The following TBC1D22B variants were observed in gnomAD, a reference collection of about 807,000 sequenced individuals.
The protein encoded by TBC1D22B is chromosome 6 open reading frame 197.
Under a neutral mutation model 69.1 loss-of-function variants are expected in TBC1D22B, and 32 were observed. The observed-to-expected ratio is 0.46, with a 90% CI of 0.35 to 0.62. The LOEUF is 0.62. TBC1D22B is among the 20% of genes least tolerant of loss of function. The pLI, the probability that TBC1D22B is intolerant of heterozygous loss-of-function variation, is 0.00. For synonymous variants in TBC1D22B, 206 were observed against 229.8 expected (o/e 0.90, Z 0.94); for missense variants, 462 against 630.9 (o/e 0.73, Z 2.87).
chr6:37,325,062 A>G (rs1768353376), intron 12 of TBC1D22B, among the ~76,000 whole-genome samples: 1 of 151,820 alleles, frequency 6.6e-6, no homozygotes, highest in African/African-American at 2.4e-5. Context: ...TTATTCTCCC[A>G]CCTTTATTGG....
intron 8 of TBC1D22B, chr6:37,295,638 T>C (rs1172860798): frequency 2.3e-6 from 1 of 436,286 alleles, no homozygotes; most frequent in East Asian, 6.8e-5. Flanking sequence ...TCAATGGCAC[T>C]GTCATCAAGG....
chr6:37,300,172 G>A (rs904043601), intron 8 of TBC1D22B, among the ~76,000 whole-genome samples: 4 of 151,490 alleles, frequency 2.6e-5, no homozygotes, highest in East Asian at 3.9e-4. Context: ...TAATTATTTC[G>A]ACACCATTTA....
At chr6:37,330,025 G>A (rs1042257693) in intron 12 of TBC1D22B, among the ~76,000 whole-genome samples, 2 of 152,080 alleles carry the variant, frequency 1.3e-5, no homozygotes, top group East Asian at 1.9e-4. Flanking sequence ...TGGAGTATTC[G>A]GATCAGCTAG....
chr6:37,282,026 T>C (rs1202270806), intron 3 of TBC1D22B, among the ~76,000 whole-genome samples, 159 bp from the exon 4 acceptor site: 2 of 152,166 alleles, frequency 1.3e-5, no homozygotes. Flanking sequence ...GTGGCTGGGT[T>C]CTGGCCCCTC....
At chr6:37,283,062 C>A in intron 5 of TBC1D22B, 110 bp downstream of exon 5, 1 of 822,536 alleles carries the variant, frequency 1.2e-6, no homozygotes, top group Non-Finnish European at 2.0e-6. Context: ...TCTAGTCCTA[C>A]TGGATATGAC....
intron 2 of TBC1D22B, among the ~76,000 whole-genome samples, chr6:37,274,905 A>G (rs1032830675): frequency 2.0e-5 from 3 of 152,204 alleles, no homozygotes; most frequent in African/African-American, 7.2e-5. Flanking sequence ...TACAAAAATT[A>G]GCTGGGCGTA....
intron 8 of TBC1D22B, among the ~76,000 whole-genome samples, chr6:37,304,437 T>A (rs547004955): frequency 1.3e-5 from 2 of 152,160 alleles, no homozygotes; most frequent in Admixed American, 6.5e-5. Flanking sequence ...AGAGCAGTAC[T>A]CAGCAATAAA....
At chr6:37,311,157 T>C (rs149709) in intron 8 of TBC1D22B, among the ~76,000 whole-genome samples, 29,622 of 148,676 alleles carry the variant, frequency 0.2, 3,018 homozygotes, top group Admixed American at 0.22. Flanking sequence ...TTTATATATA[T>C]TAACTGCAGC....
intron 8 of TBC1D22B, among the ~76,000 whole-genome samples, chr6:37,297,502 G>C (rs543672845): frequency 6.6e-5 from 10 of 152,188 alleles, no homozygotes; most frequent in African/African-American, 2.4e-4. Context: ...AAGATTCAGG[G>C]GTCTAATGAG....
intron 10 of TBC1D22B, among the ~76,000 whole-genome samples, chr6:37,315,228 A>G (rs949360076): frequency 2.0e-5 from 3 of 152,170 alleles, no homozygotes; most frequent in African/African-American, 7.2e-5. Flanking sequence ...AAGTATATAT[A>G]TCTTGGATGT....
At chr6:37,291,778 C>T (rs978779206) in intron 8 of TBC1D22B, among the ~76,000 whole-genome samples, 2 of 152,138 alleles carry the variant, frequency 1.3e-5, no homozygotes, top group African/African-American at 4.8e-5. Flanking sequence ...GATTGTGGCA[C>T]CAGAACACAG....
At chr6:37,323,244 G>A (rs941761184) in intron 12 of TBC1D22B, among the ~76,000 whole-genome samples, 2 of 152,152 alleles carry the variant, frequency 1.3e-5, no homozygotes, top group Non-Finnish European at 2.9e-5. Flanking sequence ...TGCATAAAAA[G>A]ATGCCAGTCG....
At chr6:37,288,893 T>G (rs1183215072) in intron 7 of TBC1D22B, among the ~76,000 whole-genome samples, 1 of 152,074 alleles carries the variant, frequency 6.6e-6, no homozygotes, top group African/African-American at 2.4e-5. Flanking sequence ...ATTTTTTTTA[T>G]TTTAACTTTT....
intron 12 of TBC1D22B, among the ~76,000 whole-genome samples, chr6:37,330,582 G>T (rs982167362): frequency 2.0e-5 from 3 of 152,088 alleles, no homozygotes; most frequent in African/African-American, 7.2e-5. Flanking sequence ...GGAGTTCAAG[G>T]CTGCAGCAAG....
intron 8 of TBC1D22B, among the ~76,000 whole-genome samples, chr6:37,309,845 A>G (rs1184557748): frequency 2.0e-5 from 3 of 152,016 alleles, no homozygotes; most frequent in Admixed American, 2.0e-4. Context: ...GTACAGGAAC[A>G]CGGACCTTAG....
chr6:37,329,221 T>C (rs9470554), intron 12 of TBC1D22B, among the ~76,000 whole-genome samples: 11,255 of 152,248 alleles, frequency 0.074, 1,015 homozygotes, highest in African/African-American at 0.21. Context: ...GTGTTTTTTC[T>C]TTTACCTAAG....
chr6:37,282,743 G>A (rs1583542265), intron 4 of TBC1D22B, 139 bp from the exon 5 acceptor site: 2 of 825,654 alleles, frequency 2.4e-6, no homozygotes, highest in East Asian at 5.1e-5. Flanking sequence ...GCTGTTTTGG[G>A]CTTTTCACTG....
At chr6:37,306,179 T>C (rs55901294) in intron 8 of TBC1D22B, among the ~76,000 whole-genome samples, 4,845 of 152,286 alleles carry the variant, frequency 0.032, 243 homozygotes, top group African/African-American at 0.11. Context: ...AAGGGCAAGT[T>C]GTGGCTTGTC....
At chr6:37,276,906 AT>A (rs1782352723) in intron 2 of TBC1D22B, among the ~76,000 whole-genome samples, 1 of 142,762 alleles carries the variant, frequency 7.0e-6, no homozygotes, top group African/African-American at 3.0e-5. Flanking sequence ...AAACAAAAAT[AT>A]ATATATATAT....
Sources: gnomAD v4.1 joint callset for allele counts (sites outside exome capture counted in the v4.1 genomes callset) on GRCh38, gnomAD v4.1.1 for gene constraint, MANE v1.5 for transcripts, NCBI Gene and HGNC (gene_info 2026-07-23, HGNC 2026-07-21) for gene names.